MMP16: variants seen among roughly 807,000 people sequenced by gnomAD.
The protein encoded by MMP16 is matrix metalloproteinase-16.
MMP16 carries 12 observed loss-of-function variants against 67.8 expected under a neutral mutation model. That is an observed-to-expected ratio of 0.18 (90% CI 0.11 to 0.29). The LOEUF (loss-of-function observed/expected upper bound fraction) is 0.29. MMP16 is among the 10% of genes least tolerant of loss of function. The pLI, the probability that MMP16 is intolerant of heterozygous loss-of-function variation, is 1.00. For missense variants in MMP16, 475 were observed against 765.7 expected, an observed-to-expected ratio of 0.62 and a Z score of 4.48; for synonymous variants, 249 against 255.9, an observed-to-expected ratio of 0.97 and a Z score of 0.26.
At chr8:88,294,440 CTATA>C (rs1810977233) in intron 1 of MMP16, among the ~76,000 whole-genome samples, 1 of 147,900 alleles carries the variant, frequency 6.8e-6, no homozygotes. Flanking sequence ...ATGTATATGT[CTATA>C]TACACACATA....
chr8:88,082,092 A>G (rs1808760602), intron 6 of MMP16, among the ~76,000 whole-genome samples: 1 of 152,136 alleles, frequency 6.6e-6, no homozygotes, highest in African/African-American at 2.4e-5. Context: ...AAAATCAAGG[A>G]AACAAACCCC....
At chr8:88,209,326 A>G in intron 1 of MMP16, among the ~76,000 whole-genome samples, 1 of 152,172 alleles carries the variant, frequency 6.6e-6, no homozygotes, top group South Asian at 2.1e-4. Flanking sequence ...CTTTATGATG[A>G]TTTACTTCCA....
At chr8:88,207,191 CACACAA>C (rs1197819080) in intron 1 of MMP16, among the ~76,000 whole-genome samples, 1 of 152,114 alleles carries the variant, frequency 6.6e-6, no homozygotes, top group Admixed American at 6.6e-5. Flanking sequence ...AAAACTTAGG[CACACAA>C]ACACAGACTA....
intron 1 of MMP16, among the ~76,000 whole-genome samples, chr8:88,265,223 C>CTTTTTTCTTTTTTT (rs536439216): frequency 9.9e-6 from 1 of 100,776 alleles, no homozygotes; most frequent in African/African-American, 4.0e-5. Flanking sequence ...TGACCATTTC[C>CTTTTTTCTTTTTTT]TTTTTTTTTT....
intron 4 of MMP16, among the ~76,000 whole-genome samples, chr8:88,127,456 G>A (rs1244693770): frequency 2.0e-5 from 3 of 151,806 alleles, no homozygotes; most frequent in East Asian, 1.9e-4. Context: ...AGCAATGGAA[G>A]TATGTGAGAG....
chr8:88,186,727 T>C (rs1809080854), intron 2 of MMP16, 129 bp from the exon 3 acceptor site: 1 of 1,265,654 alleles, frequency 7.9e-7, no homozygotes, highest in Non-Finnish European at 1.1e-6. Flanking sequence ...AATGGCAAAA[T>C]ATAAAGTAAA....
chr8:88,204,942 C>A (rs1809403167), intron 1 of MMP16, among the ~76,000 whole-genome samples: 1 of 152,098 alleles, frequency 6.6e-6, no homozygotes, highest in African/African-American at 2.4e-5. Flanking sequence ...GAATGCCTTC[C>A]AAGCCATGTA....
At chr8:88,184,038 G>A (rs1048163015) in intron 3 of MMP16, among the ~76,000 whole-genome samples, 11 of 151,966 alleles carry the variant, frequency 7.2e-5, no homozygotes, top group Admixed American at 6.6e-5. Context: ...AAGCCACCGC[G>A]CCCGGCCCAA....
chr8:88,307,900 C>T (rs552697590), intron 1 of MMP16, among the ~76,000 whole-genome samples: 32 of 151,984 alleles, frequency 2.1e-4, no homozygotes, highest in African/African-American at 4.1e-4. Flanking sequence ...AGATGAAAGT[C>T]GCTTGGTAAT....
chr8:88,282,165 C>T (rs1465594089), intron 1 of MMP16, among the ~76,000 whole-genome samples: 1 of 151,606 alleles, frequency 6.6e-6, no homozygotes, highest in East Asian at 1.9e-4. Context: ...ACCTCCGCCT[C>T]CCGGACTCAA....
intron 1 of MMP16, among the ~76,000 whole-genome samples, chr8:88,291,236 G>GC: frequency 6.6e-6 from 1 of 152,134 alleles, no homozygotes; most frequent in Non-Finnish European, 1.5e-5. Context: ...AGCCATGATT[G>GC]CATCACTACA....
intron 4 of MMP16, among the ~76,000 whole-genome samples, chr8:88,154,786 G>A (rs1161066913): frequency 6.7e-6 from 1 of 148,658 alleles, no homozygotes; most frequent in East Asian, 2.0e-4. Context: ...GTTAGTGGGT[G>A]CAGCGCACCA....
rs187345761 is a variant in MMP16, at chr8:88,202,778, C to T, written c.133-5472G>A. On this transcript the variant is annotated intron_variant, in intron 1 of 9. Transcript: ENST00000286614. ...GTAGACAGAAATAATTACCAAAAAA[C>T]TAACTACCTGTAATAATCATTGACA... Among the ~76,000 whole-genome samples, 1,170 of 152,146 alleles carry T rather than the reference C, an allele frequency of 7.7e-3. 9 individuals carry two copies. The highest frequency in any genetic ancestry group is 0.034 in the Middle Eastern group (10 of 294).
intron 6 of MMP16, among the ~76,000 whole-genome samples, chr8:88,108,775 T>C (rs942814892): frequency 6.6e-6 from 1 of 151,434 alleles, no homozygotes; most frequent in Non-Finnish European, 1.5e-5. Context: ...TAATTTTTGC[T>C]TTGTAGAATA....
intron 2 of MMP16, among the ~76,000 whole-genome samples, chr8:88,191,674 C>T (rs1175982778): frequency 1.3e-5 from 2 of 152,188 alleles, no homozygotes; most frequent in African/African-American, 4.8e-5. Flanking sequence ...CACACAGACA[C>T]ACACACATAT....
intron 1 of MMP16, among the ~76,000 whole-genome samples, chr8:88,242,265 A>T (rs987877562): frequency 6.6e-6 from 1 of 152,216 alleles, no homozygotes; most frequent in African/African-American, 2.4e-5. Flanking sequence ...GCATTTTAAA[A>T]ATCAAGATTC....
At chr8:88,300,726 A>T (rs1303198154) in intron 1 of MMP16, among the ~76,000 whole-genome samples, 1 of 152,162 alleles carries the variant, frequency 6.6e-6, no homozygotes, top group Non-Finnish European at 1.5e-5. Flanking sequence ...TTATCCCATG[A>T]AGACAAGGGG....
At chr8:88,262,590 A>C (rs1259759881) in intron 1 of MMP16, among the ~76,000 whole-genome samples, 3 of 152,318 alleles carry the variant, frequency 2.0e-5, no homozygotes, top group Non-Finnish European at 4.4e-5. Context: ...GTAGTTATAT[A>C]GGCTGTTGGC....
At chr8:88,224,498 GT>G (rs1172511750) in intron 1 of MMP16, among the ~76,000 whole-genome samples, 2 of 151,886 alleles carry the variant, frequency 1.3e-5, no homozygotes, top group African/African-American at 4.8e-5. Flanking sequence ...TATGCCACTT[GT>G]ACACAAAATG....
Sources: gnomAD v4.1 joint callset for allele counts (sites outside exome capture counted in the v4.1 genomes callset) on GRCh38, gnomAD v4.1.1 for gene constraint, MANE v1.5 for transcripts, NCBI Gene and HGNC (gene_info 2026-07-23, HGNC 2026-07-21) for gene names.